The following TBRG4 variants were observed in gnomAD, a reference collection of about 807,000 sequenced individuals.
TBRG4 encodes transforming growth factor beta regulator 4.
Under a neutral mutation model 65.6 loss-of-function variants are expected in TBRG4, and 43 were observed. The ratio of observed to expected loss-of-function variants is 0.66; its 90% CI spans 0.51 to 0.85. The LOEUF (loss-of-function observed/expected upper bound fraction) is 0.85. Among genes scored for constraint, TBRG4 ranks in the 40% least tolerant of loss-of-function variants. The pLI is 0.00. For missense variants in TBRG4, 709 were observed against 787.9 expected, an observed-to-expected ratio of 0.90 and a Z score of 1.20; for synonymous variants, 366 against 341.4, an observed-to-expected ratio of 1.07 and a Z score of -0.79.
rs765871697 is a variant in TBRG4 at position 45,105,441 on chromosome 7, C to T, written c.735G>A (p.Lys245=). The change falls in exon 3 of 11, where the codon AAG becomes AAA. Residue 245 remains lysine (K), a splice_region_variant and synonymous_variant. Transcript: ENST00000258770. ...TGCCACCTGCTTTCAGGCCCAGTAC[C>T]TTGTCTTCCAGGCGGTTCATTAGTG... ...SEPLMNRLED[K]CLELVEHFGP... is the part of the protein sequence containing the mutation. 1 of 1,592,994 alleles carries T rather than the reference C, an allele frequency of 6.3e-7. No homozygotes were observed. The highest frequency in any genetic ancestry group is 1.1e-5 in the South Asian group (1 of 87,540).
At chr7:45,105,269 C>T in intron 3 of TBRG4, 172 bp downstream of exon 3, 1 of 718,668 alleles carries the variant, frequency 1.4e-6, no homozygotes, top group Non-Finnish European at 2.3e-6. Context: ...CCTGTTGCAG[C>T]TCCGAGCCCT....
At chr7:45,109,380 T>A in intron 1 of TBRG4, 93 bp from the exon 2 acceptor site, 1 of 1,050,078 alleles carries the variant, frequency 9.5e-7, no homozygotes, top group Non-Finnish European at 1.3e-6. Flanking sequence ...ACTCTATCTG[T>A]AAAATCAGAC....
In TBRG4 at chr7:45,100,403, T is replaced by C; in HGVS notation, c.1818A>G (p.Glu606=). 1 of 1,614,076 alleles carries C rather than the reference T, an allele frequency of 6.2e-7. No individual in the cohort carries two copies. The highest frequency in any genetic ancestry group is 8.5e-7 in the Non-Finnish European group (1 of 1,179,988). ...IVDVPFYEWL[E]LKSEWQKGAY... ...CGCCTTTCTGCCATTCAGACTTGAG[T>C]TCCAGCCACTCATAGAATGGGACCT... Residue 606 remains glutamate (E), a synonymous_variant, in exon 11 of 11, where the codon GAA becomes GAG. Coordinates refer to ENST00000258770, the MANE Select transcript of TBRG4 (RefSeq NM_004749.4).
chr7:45,107,007 T>TC (rs1784981028), intron 2 of TBRG4: 1 of 152,066 alleles, frequency 6.6e-6, no homozygotes, highest in Admixed American at 6.6e-5. Context: ...TGCCAGACCC[T>TC]CAACTGCCTG....
Position 45,102,070 on chromosome 7 carries a change from C to T in TBRG4, c.1322G>A (p.Gly441Glu). ...GTTCTGATCCTTCTGAGACTTGCCC[C>T]CTAGGAGACAAGGAGAAAGAAGAGG... ...LHPEFHIQFLGGKSQKDQNTF... is the reference protein window; with the variant it reads ...LHPEFHIQFLEGKSQKDQNTF... Residue 441 changes from glycine (G) to glutamate (E), a missense_variant and splice_region_variant, in exon 8 of 11, where the codon GGG (glycine) becomes GAG (glutamate). Gly to Glu is a moderately conservative substitution (Grantham distance 98). Coordinates refer to ENST00000258770, the MANE Select transcript of TBRG4 (RefSeq NM_004749.4). The T allele has an allele frequency of 6.4e-7, 1 of 1,568,734 alleles. No individual in the cohort carries two copies. The highest frequency in any genetic ancestry group is 8.6e-7 in the Non-Finnish European group (1 of 1,164,610).
At chr7:45,101,017 G>A (rs1584023511) in intron 10 of TBRG4, among the ~76,000 whole-genome samples, 1 of 152,258 alleles carries the variant, frequency 6.6e-6, no homozygotes, top group Non-Finnish European at 1.5e-5. Context: ...CTCTTAAGCT[G>A]AATAAGCAGG....
chr7:45,105,534 A>G lies in TBRG4; in HGVS notation c.642T>C (p.Arg214=). Residue 214 remains arginine (R), a synonymous_variant, in exon 3 of 11, where the codon CGT becomes CGC. Transcript: ENST00000258770. ...LAELLTHLER[R]WTEIEDSHTL... is the part of the protein sequence containing the mutation. ...TGTGGGAATCTTCAATTTCTGTCCA[A>G]CGCCTTTCCAGGTGTGTGAGCAGCT... 1 of 1,614,138 alleles carries G rather than the reference A, an allele frequency of 6.2e-7. No individual in the cohort carries two copies. Among genetic ancestry groups the G allele is most frequent in the East Asian group, 2.2e-5 (1 of 44,876 alleles).
rs1014837644 is a variant in TBRG4, at chr7:45,102,588, G to C, written c.1177-97C>G. The C allele has an allele frequency of 9.2e-6, 14 of 1,514,168 alleles. No individual in the cohort carries two copies. In the African/African-American group the frequency reaches 1.8e-4, roughly 19 times the overall value. 93.8% of individuals were successfully genotyped at this position (1,514,168 alleles called of 1,614,324 possible). A position where few individuals can be genotyped will look rare whatever the true frequency, so the allele number is the denominator to read the frequency against. ...CAATCCATGATGTGGTCTTGGCCTG[G>C]TTGGGATGAGGCCAGAGGAGGCTAC... On this transcript the variant is annotated intron_variant, in intron 6 of 10. Transcript: ENST00000258770.
At chr7:45,102,971 T>G in intron 6 of TBRG4, 1 of 348,716 alleles carries the variant, frequency 2.9e-6, no homozygotes, top group Non-Finnish European at 5.5e-6. Flanking sequence ...ACACCTGGCC[T>G]GCTGGCCTCT....
In TBRG4 at chr7:45,100,378, C is replaced by A. The variant is rs755363718; in HGVS notation, c.1843G>T (p.Ala615Ser). The part of the protein sequence containing the change: ...LELKSEWQKG[A>S]YLKDKMRKAV... ...TTGCGCATCTTGTCCTTGAGGTAGGCGCCTTTCTGCCATTCAGACTTGAGT... is the reference window on the plus strand; with the variant it reads ...TTGCGCATCTTGTCCTTGAGGTAGGAGCCTTTCTGCCATTCAGACTTGAGT... The change falls in exon 11 of 11, where the codon GCC becomes TCC. Residue 615 changes from alanine (A) to serine (S), a missense_variant. By Grantham distance (99) the Ala-to-Ser change is moderately conservative. Coordinates refer to ENST00000258770, the MANE Select transcript of TBRG4 (RefSeq NM_004749.4). 6.2e-6 allele frequency: 10 copies of A among 1,614,090 alleles called. No homozygotes were observed. The highest frequency in any genetic ancestry group is 5.0e-5 in the Admixed American group (3 of 60,008).
In TBRG4 at chr7:45,111,682, C is replaced by G. The variant is rs1012031000; in HGVS notation, c.-90G>C. The stretch of plus-strand genomic sequence containing the variant: ...CGCTGACCTCCATCCGCCGCCCTAA[C>G]TGTCCCCGGAACCATGAGGTGCGCG... On this transcript the variant is annotated 5_prime_UTR_variant, in exon 1 of 11. Transcript: ENST00000258770. The G allele has an allele frequency of 1.1e-5, 14 of 1,289,318 alleles. No homozygotes were observed. In the Admixed American group the frequency reaches 2.8e-4, roughly 25 times the overall value. The allele number at this position is 1,289,318 out of a possible 1,614,324, so 79.9% of individuals were successfully genotyped here.
intron 2 of TBRG4, 94 bp downstream of exon 2, chr7:45,108,731 CCT>C: frequency 1.0e-6 from 1 of 977,740 alleles, no homozygotes; most frequent in Non-Finnish European, 1.4e-6. Flanking sequence ...ATGCAAGGCC[CCT>C]GTCTATGCTT....
intron 9 of TBRG4, 43 bp downstream of exon 9, chr7:45,101,460 C>A (rs1336993965): frequency 6.2e-7 from 1 of 1,601,536 alleles, no homozygotes; most frequent in Non-Finnish European, 8.5e-7. Context: ...TGCAGTCCAA[C>A]AGCCATGGTG....
chr7:45,107,023 G>C (rs1424662765), intron 2 of TBRG4: 1 of 152,104 alleles, frequency 6.6e-6, no homozygotes, highest in East Asian at 1.9e-4. Context: ...GCCTGCAAAG[G>C]GAGGAGCACC....
At chr7:45,101,090 G>C (rs992917778) in intron 10 of TBRG4, among the ~76,000 whole-genome samples, 168 bp downstream of exon 10, 2 of 152,194 alleles carry the variant, frequency 1.3e-5, no homozygotes, top group African/African-American at 4.8e-5. Context: ...GGGGAGGCTG[G>C]AGCAGCTAGG....
At chr7:45,109,548 A>T (rs1785065385) in intron 1 of TBRG4, among the ~76,000 whole-genome samples, 1 of 152,018 alleles carries the variant, frequency 6.6e-6, no homozygotes, top group South Asian at 2.1e-4. Context: ...ATTTGAAATC[A>T]CCTAGGATGT....
At chr7:45,110,496 C>A (rs1785094104) in intron 1 of TBRG4, among the ~76,000 whole-genome samples, 1 of 152,072 alleles carries the variant, frequency 6.6e-6, no homozygotes, top group African/African-American at 2.4e-5. Flanking sequence ...GAAACACCGT[C>A]TCTACTAAAA....
intron 1 of TBRG4, chr7:45,110,807 G>A (rs1336493872): frequency 2.0e-5 from 3 of 151,838 alleles, no homozygotes; most frequent in Admixed American, 6.6e-5. Flanking sequence ...CTGGAACTTG[G>A]TATATGGCCA....
At position 45,103,396 on chromosome 7, in the gene TBRG4, G is replaced by C. The variant is rs74490036; in HGVS notation, c.1113C>G (p.Ser371Arg). 9 of 1,613,964 alleles carry C rather than the reference G, an allele frequency of 5.6e-6. No individual in the cohort carries two copies. The Admixed American group carries it at 1.5e-4, about 27-fold the overall frequency. ...TCAGACGCGCAAAAGCCAGAAGTAC[G>C]CTGCACAGGTGGGGCAGGGTGATGT... ...AQDITLPHLCSVLLAFARLNF... is the reference protein window; with the variant it reads ...AQDITLPHLCRVLLAFARLNF... The change falls in exon 6 of 11, where the codon AGC (serine) becomes AGG (arginine). Residue 371 changes from serine to arginine, a missense_variant. Ser to Arg is a moderately radical substitution (Grantham distance 110, BLOSUM62 -1). Coordinates refer to ENST00000258770, the MANE Select transcript of TBRG4 (RefSeq NM_004749.4).
Sources: allele counts gnomAD v4.1 joint callset (sites outside exome capture counted in the v4.1 genomes callset), GRCh38; gene constraint gnomAD v4.1.1; transcripts MANE v1.5; gene names NCBI Gene and HGNC (gene_info 2026-07-23, HGNC 2026-07-21).